The following NCOA1 variants were observed in gnomAD, a reference collection of about 807,000 sequenced individuals.
The protein encoded by NCOA1 is Hin-2 protein.
NCOA1 carries 35 observed loss-of-function variants against 150.9 expected under a neutral mutation model. The observed-to-expected ratio is 0.23, with a 90% confidence interval of 0.18 to 0.31. NCOA1 has a LOEUF of 0.31. Among genes scored for constraint, NCOA1 ranks in the 10% least tolerant of loss-of-function variants. NCOA1 has a pLI of 1.00. For missense variants in NCOA1, 1,491 were observed against 1,749.3 expected (o/e 0.85, Z 2.63); for synonymous variants, 590 against 630.0 (o/e 0.94, Z 0.95).
At chr2:24,717,434 G>C (rs753707348) in intron 14 of NCOA1, among the ~76,000 whole-genome samples, 1 of 152,208 alleles carries the variant, frequency 6.6e-6, no homozygotes, top group Non-Finnish European at 1.5e-5. Flanking sequence ...TTCTGGAAAA[G>C]GCAAAGCTGT....
intron 1 of NCOA1, among the ~76,000 whole-genome samples, chr2:24,544,449 A>G (rs533113039): frequency 4.4e-4 from 67 of 152,232 alleles, no homozygotes; most frequent in African/African-American, 1.6e-3. Flanking sequence ...GTGCTTCTAA[A>G]ATGAGGATTC....
Position 24,554,959 on chromosome 2 carries a change from C to T in NCOA1, c.-395-9336C>T, listed in dbSNP as rs766065588. On this transcript the variant is annotated intron_variant, in intron 1 of 22. Transcript: ENST00000348332. The stretch of plus-strand genomic sequence containing the variant: ...CGAGGTTCCCAATATGAAGCGTCTA[C>T]GTTGTCTGGGGTAAATACCCGGAGT... Among the ~76,000 whole-genome samples, 3 of 152,092 alleles carry T rather than the reference C, an allele frequency of 2.0e-5. No homozygotes were observed. The East Asian group carries it at 5.8e-4, about 29-fold the overall frequency.
intron 1 of NCOA1, among the ~76,000 whole-genome samples, chr2:24,525,152 C>T: frequency 6.6e-6 from 1 of 152,128 alleles, no homozygotes; most frequent in East Asian, 1.9e-4. Flanking sequence ...GTACTTTAGG[C>T]AGTGGCCATT....
chr2:24,539,495 C>G (rs1431351698), intron 1 of NCOA1, among the ~76,000 whole-genome samples: 2 of 152,022 alleles, frequency 1.3e-5, no homozygotes, highest in Non-Finnish European at 2.9e-5. Flanking sequence ...TCATAGAGGG[C>G]TTTGCATATA....
intron 3 of NCOA1, among the ~76,000 whole-genome samples, chr2:24,634,811 A>G (rs1437104013): frequency 2.0e-5 from 3 of 146,714 alleles, no homozygotes; most frequent in Non-Finnish European, 4.5e-5. Flanking sequence ...CCCTGGGCCC[A>G]GGCAATCCTC....
intron 17 of NCOA1, among the ~76,000 whole-genome samples, chr2:24,733,977 G>T (rs571091062): frequency 6.6e-6 from 1 of 152,230 alleles, no homozygotes; most frequent in Non-Finnish European, 1.5e-5. Context: ...CTGAGGTCAA[G>T]AGTTCGAGAC....
At chr2:24,763,855 A>T (rs1484066721) in intron 22 of NCOA1, among the ~76,000 whole-genome samples, 1 of 151,766 alleles carries the variant, frequency 6.6e-6, no homozygotes, top group African/African-American at 2.4e-5. Flanking sequence ...CTCCTGACCT[A>T]AGGTGATCCA....
rs555948108 is a variant in NCOA1, at chr2:24,538,464, A to C, written c.-395-25831A>C. 4.6e-5 allele frequency among the ~76,000 whole-genome samples: 7 copies of C among 152,336 alleles called. No homozygotes were observed. In the South Asian group the frequency reaches 1.4e-3, roughly 32 times the overall value. On this transcript the variant is annotated intron_variant, in intron 1 of 22. Transcript: ENST00000348332. ...ACGGGAATCAGAAGATCTGGATGCA[A>C]ATCCATATTCTGCCAGAAGCTCTGA... is the stretch of plus-strand genomic sequence containing the variant.
At chr2:24,644,290 G>C (rs1438671354) in intron 4 of NCOA1, among the ~76,000 whole-genome samples, 168 bp downstream of exon 4, 2 of 152,140 alleles carry the variant, frequency 1.3e-5, no homozygotes, top group African/African-American at 4.8e-5. Flanking sequence ...TGATAGGAAA[G>C]TTCTAGGATA....
At chr2:24,643,536 T>G (rs1417045912) in intron 3 of NCOA1, among the ~76,000 whole-genome samples, 1 of 152,234 alleles carries the variant, frequency 6.6e-6, no homozygotes, top group Non-Finnish European at 1.5e-5. Flanking sequence ...ATAAAATGTT[T>G]ATAAACTTTT....
chr2:24,660,736 A>G (rs757917541), intron 5 of NCOA1, among the ~76,000 whole-genome samples: 2 of 152,144 alleles, frequency 1.3e-5, no homozygotes, highest in Non-Finnish European at 2.9e-5. Context: ...TGCAGCAAAT[A>G]TCCTCACACA....
chr2:24,580,425 G>C (rs1044560281), intron 2 of NCOA1, among the ~76,000 whole-genome samples: 1 of 152,070 alleles, frequency 6.6e-6, no homozygotes, highest in Non-Finnish European at 1.5e-5. Flanking sequence ...TCTTTTGTTA[G>C]GTCTTGAGGC....
At chr2:24,747,839 G>C (rs1444859221) in intron 19 of NCOA1, among the ~76,000 whole-genome samples, 1 of 152,124 alleles carries the variant, frequency 6.6e-6, no homozygotes, top group Non-Finnish European at 1.5e-5. Flanking sequence ...GGGCACAGTG[G>C]TTCATGCCTG....
rs754232865 is a variant in NCOA1, at chr2:24,707,213, G to A, written c.1743G>A (p.Glu581=). The stretch of plus-strand genomic sequence containing the variant: ...TAAATATACAACCAGCAAAAGCTGA[G>A]TCCAAAGATAACAAAGAGATTGCCT... ...SRLNIQPAKA[E]SKDNKEIASI... is the part of the protein sequence containing the mutation. The change falls in exon 13 of 23, where the codon GAG becomes GAA. Residue 581 remains glutamate (E), a synonymous_variant. Transcript: ENST00000348332. 5 of 1,614,186 alleles carry A rather than the reference G, an allele frequency of 3.1e-6. No homozygotes were observed. Among genetic ancestry groups the A allele is most frequent in the Non-Finnish European group, 4.2e-6 (5 of 1,180,020 alleles).
intron 19 of NCOA1, among the ~76,000 whole-genome samples, chr2:24,742,444 T>C (rs1050893355): frequency 6.6e-6 from 1 of 152,002 alleles, no homozygotes; most frequent in African/African-American, 2.4e-5. Flanking sequence ...GTATGCAAAG[T>C]ACGTTCCCCC....
chr2:24,755,172 G>C (rs1235925862), intron 20 of NCOA1, among the ~76,000 whole-genome samples: 1 of 152,230 alleles, frequency 6.6e-6, no homozygotes, highest in African/African-American at 2.4e-5. Context: ...AGGTCAGAGA[G>C]AATTAAAACA....
chr2:24,741,659 C>T, intron 18 of NCOA1, 125 bp from the exon 19 acceptor site: 2 of 1,059,348 alleles, frequency 1.9e-6, no homozygotes, highest in East Asian at 2.7e-5. Context: ...TTTTAGTTTC[C>T]CTTGTACAGT....
At chr2:24,687,834 G>A (rs771625756) in intron 8 of NCOA1, among the ~76,000 whole-genome samples, 5 of 152,126 alleles carry the variant, frequency 3.3e-5, no homozygotes, top group Non-Finnish European at 7.4e-5. Flanking sequence ...GCAACACAGA[G>A]CCAAACCATA....
intron 3 of NCOA1, among the ~76,000 whole-genome samples, chr2:24,585,554 T>TA (rs764455648): frequency 5.3e-5 from 8 of 152,116 alleles, no homozygotes; most frequent in Non-Finnish European, 1.0e-4. Flanking sequence ...CCACTTAAGT[T>TA]ACAGATTTTT....
Sources: gnomAD v4.1 joint callset for allele counts (sites outside exome capture counted in the v4.1 genomes callset) on GRCh38, gnomAD v4.1.1 for gene constraint, MANE v1.5 for transcripts, NCBI Gene and HGNC (gene_info 2026-07-23, HGNC 2026-07-21) for gene names.